The following ATP8A2 variants were observed in gnomAD, a reference collection of about 807,000 sequenced individuals.
ATP8A2 encodes ATPase phospholipid transporting 8A2, also known as phospholipid-transporting ATPase IB.
A neutral mutation model predicts 165.6 loss-of-function variants in ATP8A2; 100 were observed. The observed-to-expected ratio is 0.60, with a 90% CI of 0.51 to 0.71. The LOEUF (loss-of-function observed/expected upper bound fraction) is 0.71. Among genes scored for constraint, ATP8A2 ranks in the 30% least tolerant of loss-of-function variants. The pLI, the probability that ATP8A2 is intolerant of heterozygous loss-of-function variation, is 0.00. For missense variants in ATP8A2, 1,227 were observed against 1,479.5 expected (o/e 0.83, Z 2.80); for synonymous variants, 543 against 548.8 (o/e 0.99, Z 0.15).
chr13:25,759,994 A>G (rs1052751651), intron 25 of ATP8A2, among the ~76,000 whole-genome samples: 22 of 152,176 alleles, frequency 1.4e-4, no homozygotes, highest in African/African-American at 5.3e-4. Flanking sequence ...ATAAATTCTG[A>G]ACCCCCAAGC....
chr13:25,895,748 T>C (rs2138921846), intron 33 of ATP8A2, among the ~76,000 whole-genome samples: 1 of 152,362 alleles, frequency 6.6e-6, no homozygotes, highest in East Asian at 1.9e-4. Context: ...AACTTATTCC[T>C]GGTTTAGTCT....
chr13:25,390,606 G>A (rs1399978661), intron 1 of ATP8A2, among the ~76,000 whole-genome samples: 1 of 152,012 alleles, frequency 6.6e-6, no homozygotes, highest in Non-Finnish European at 1.5e-5. Flanking sequence ...AGTCTTCTTT[G>A]TCTGGCTTCT....
intron 33 of ATP8A2, among the ~76,000 whole-genome samples, chr13:25,867,139 CT>C (rs11331686): frequency 0.2 from 26,475 of 131,690 alleles, 2,263 homozygotes; most frequent in Middle Eastern, 0.25. Context: ...CTGGGACAGG[CT>C]TTTTTTTTTT....
intron 19 of ATP8A2, 73 bp from the exon 20 acceptor site, chr13:25,576,996 G>T: frequency 1.6e-6 from 2 of 1,226,394 alleles, no homozygotes; most frequent in Non-Finnish European, 2.4e-6. Flanking sequence ...CTTTTGTTTT[G>T]ATTGGTGTTC....
At chr13:25,910,924 ATT>A (rs35021710) in intron 33 of ATP8A2, among the ~76,000 whole-genome samples, 94 of 142,758 alleles carry the variant, frequency 6.6e-4, no homozygotes, top group Admixed American at 1.9e-3. Context: ...ATCCCTCTCA[ATT>A]TTTTTTTTTT....
At chr13:25,670,949 T>A (rs2042250014) in intron 24 of ATP8A2, among the ~76,000 whole-genome samples, 1 of 152,336 alleles carries the variant, frequency 6.6e-6, no homozygotes, top group South Asian at 2.1e-4. Flanking sequence ...TTGGCAGTTC[T>A]GTTAAGTGTC....
intron 24 of ATP8A2, among the ~76,000 whole-genome samples, chr13:25,663,588 T>G (rs1202161287): frequency 6.6e-6 from 1 of 152,184 alleles, no homozygotes; most frequent in Non-Finnish European, 1.5e-5. Flanking sequence ...ACATTATCTG[T>G]TTCAAGGATC....
intron 30 of ATP8A2, among the ~76,000 whole-genome samples, chr13:25,851,127 T>G (rs1273308398): frequency 6.6e-6 from 1 of 152,212 alleles, no homozygotes; most frequent in Admixed American, 6.5e-5. Context: ...TACTCTTTCC[T>G]AGACTGAAAA....
intron 2 of ATP8A2, among the ~76,000 whole-genome samples, chr13:25,518,872 A>G (rs902487935): frequency 2.0e-5 from 3 of 152,156 alleles, no homozygotes; most frequent in African/African-American, 7.2e-5. Flanking sequence ...GATCCACCCC[A>G]TGAGTTGGGC....
intron 25 of ATP8A2, among the ~76,000 whole-genome samples, chr13:25,713,696 T>C (rs1192096130): frequency 6.6e-6 from 1 of 152,214 alleles, no homozygotes; most frequent in Non-Finnish European, 1.5e-5. Context: ...TGAGATGACT[T>C]TGAAATCCAT....
chr13:25,729,343 G>C (rs1453572936), intron 25 of ATP8A2, among the ~76,000 whole-genome samples: 2 of 152,226 alleles, frequency 1.3e-5, no homozygotes, highest in Admixed American at 1.3e-4. Flanking sequence ...ACTAGGGAAG[G>C]ATGGAAAGTG....
intron 26 of ATP8A2, among the ~76,000 whole-genome samples, chr13:25,770,184 C>T (rs1413420109): frequency 6.6e-6 from 1 of 152,142 alleles, no homozygotes; most frequent in Admixed American, 6.5e-5. Flanking sequence ...CCAAAGCAGA[C>T]CTCCTTGCCT....
At chr13:25,852,055 C>A (rs1290981898) in intron 30 of ATP8A2, among the ~76,000 whole-genome samples, 2 of 152,062 alleles carry the variant, frequency 1.3e-5, no homozygotes, top group African/African-American at 4.8e-5. Flanking sequence ...CTGTATCCGA[C>A]CCCAATGTCT....
rs142042481 is a variant in ATP8A2 at position 25,755,164 on chromosome 13, T to G, written c.2385-13882T>G. Among the ~76,000 whole-genome samples, 1,237 of 152,338 alleles carry G rather than the reference T, an allele frequency of 8.1e-3. 22 individuals are homozygous for G. Among genetic ancestry groups the G allele is most frequent in the African/African-American group, 0.028 (1,180 of 41,574 alleles). On this transcript the variant is annotated intron_variant, in intron 25 of 36. Transcript: ENST00000381655. ...TATTCTTGTGAACAGCTGATACTGT[T>G]TTAGGGCATCAGGTCAGGATGAGCT...
At chr13:25,541,107 T>C (rs763147376) in intron 8 of ATP8A2, among the ~76,000 whole-genome samples, 1 of 152,036 alleles carries the variant, frequency 6.6e-6, no homozygotes, top group Non-Finnish European at 1.5e-5. Flanking sequence ...TCAAGTGATC[T>C]GCTTGCTTTG....
intron 33 of ATP8A2, among the ~76,000 whole-genome samples, chr13:25,872,659 C>T (rs1313227777): frequency 6.6e-6 from 1 of 152,134 alleles, no homozygotes; most frequent in African/African-American, 2.4e-5. Flanking sequence ...CTAAGCGAGG[C>T]CTCTTTCTCT....
intron 24 of ATP8A2, chr13:25,648,915 G>A (rs544087618): frequency 1.2e-4 from 49 of 416,178 alleles, no homozygotes; most frequent in East Asian, 7.7e-4. Context: ...TGAATATGGC[G>A]GGCTGACTAT....
At chr13:25,815,557 A>G (rs542440556) in intron 27 of ATP8A2, among the ~76,000 whole-genome samples, 11 of 152,354 alleles carry the variant, frequency 7.2e-5, no homozygotes, top group Admixed American at 6.5e-4. Flanking sequence ...GAGTATGTAG[A>G]TAAGTTGAAA....
intron 35 of ATP8A2, among the ~76,000 whole-genome samples, chr13:25,972,962 T>C (rs1955948127): frequency 6.6e-6 from 1 of 152,152 alleles, no homozygotes; most frequent in Admixed American, 6.5e-5. Context: ...GTTGAAAACA[T>C]CTAGTTTTTG....
Sources: gnomAD v4.1 joint callset for allele counts (sites outside exome capture counted in the v4.1 genomes callset) on GRCh38, gnomAD v4.1.1 for gene constraint, MANE v1.5 for transcripts, NCBI Gene and HGNC (gene_info 2026-07-23, HGNC 2026-07-21) for gene names.